The following NRXN1 variants were observed in gnomAD, a reference collection of about 807,000 sequenced individuals.
NRXN1 encodes the protein neurexin 1, also known as neurexin-1.
In NRXN1, 39 loss-of-function variants were observed where a neutral mutation model predicts 150.9. That is an observed-to-expected ratio of 0.26 (90% CI 0.20 to 0.34). The LOEUF (loss-of-function observed/expected upper bound fraction) is 0.34. Ranked by LOEUF, NRXN1 falls within the 10% of genes least tolerant of loss-of-function variation. The pLI, the probability that NRXN1 is intolerant of heterozygous loss-of-function variation, is 1.00. For synonymous variants in NRXN1, 924 were observed against 757.0 expected, an observed-to-expected ratio of 1.22 and a Z score of -3.62; for missense variants, 1,815 against 1,949.9, an observed-to-expected ratio of 0.93 and a Z score of 1.30.
chr2:49,974,222 T>A, intron 21 of NRXN1: 2 of 688,768 alleles, frequency 2.9e-6, no homozygotes, highest in Non-Finnish European at 5.4e-6. Flanking sequence ...CAGTCACGTG[T>A]CACTGAGGAG....
rs145453737 is a variant in NRXN1, at chr2:50,910,778, A to G, written c.832+11091T>C. Among the ~76,000 whole-genome samples the G allele has an allele frequency of 1.9e-4, 29 of 152,008 alleles. No homozygotes were observed. The East Asian group carries it at 5.1e-3, about 27-fold the overall frequency. On this transcript the variant is annotated intron_variant, in intron 5 of 22. Transcript: ENST00000401669. ...GGTAGGAGTGCCAGTGTGCGCAATG[A>G]CTGAATATATACTGCTAACAGCTAA...
At position 50,224,687 on chromosome 2, in the gene NRXN1, G is replaced by A. The variant is rs1314186691; in HGVS notation, c.3546+12102C>T. 4.7e-5 allele frequency among the ~76,000 whole-genome samples: 6 copies of A among 127,654 alleles called. 1 individual carries two copies. The South Asian group carries it at 1.3e-3, about 28-fold the overall frequency. The allele number at this position is 127,654 out of a possible 152,430, so 83.7% of individuals were successfully genotyped here. On this transcript the variant is annotated intron_variant, in intron 18 of 22. Coordinates refer to ENST00000401669, the MANE Select transcript of NRXN1 (RefSeq NM_001330078.2). ...GCAGAAGATTAAAGAGAGAGAGAGA[G>A]GGAGAAAGAGAGAGAGAGAGAGAGA...
chr2:50,715,092 G>A (rs115395526), intron 5 of NRXN1, among the ~76,000 whole-genome samples: 234 of 152,140 alleles, frequency 1.5e-3, no homozygotes, highest in African/African-American at 5.3e-3. Context: ...GGAAAACAAT[G>A]CAAAAATTTA....
At chr2:50,707,278 T>A (rs1694570423) in intron 5 of NRXN1, among the ~76,000 whole-genome samples, 3 of 152,190 alleles carry the variant, frequency 2.0e-5, no homozygotes, top group Non-Finnish European at 4.4e-5. Flanking sequence ...GGTGCACTTG[T>A]CTTTTGAATC....
At chr2:50,847,584 C>A (rs893407566) in intron 5 of NRXN1, among the ~76,000 whole-genome samples, 17 of 152,286 alleles carry the variant, frequency 1.1e-4, no homozygotes, top group African/African-American at 3.8e-4. Context: ...TTTCCCAAGA[C>A]TACCCTGGCC....
intron 17 of NRXN1, 92 bp downstream of exon 17, chr2:50,465,349 GT>G: frequency 7.8e-7 from 1 of 1,284,394 alleles, no homozygotes; most frequent in Non-Finnish European, 1.0e-6. Context: ...CTGACTCAGA[GT>G]TAATATAAGG....
At chr2:50,842,320 T>A (rs913525924) in intron 5 of NRXN1, among the ~76,000 whole-genome samples, 5 of 152,182 alleles carry the variant, frequency 3.3e-5, no homozygotes, top group Admixed American at 2.6e-4. Flanking sequence ...AGGAAAAACA[T>A]AGGCTAACAA....
In NRXN1 at chr2:50,445,961, T is replaced by A. The variant is rs556786089; in HGVS notation, c.3364+19481A>T. Among the ~76,000 whole-genome samples, 6 of 152,280 alleles carry A rather than the reference T, an allele frequency of 3.9e-5. No individual in the cohort carries two copies. In the Middle Eastern group the frequency reaches 0.01, roughly 259 times the overall value. ...GACATTCTCAATTTCTTTATCTTTT[T>A]AAATAGACATTAAAAAATTCATAAA... On this transcript the variant is annotated intron_variant, in intron 17 of 22. Transcript: ENST00000401669.
chr2:50,462,727 T>C (rs998707768), intron 17 of NRXN1, among the ~76,000 whole-genome samples: 1 of 151,854 alleles, frequency 6.6e-6, no homozygotes, highest in Non-Finnish European at 1.5e-5. Flanking sequence ...TAGCACTTCT[T>C]TTTGAAAGAT....
At chr2:50,070,552 C>T (rs1359501002) in intron 19 of NRXN1, among the ~76,000 whole-genome samples, 2 of 151,898 alleles carry the variant, frequency 1.3e-5, no homozygotes, top group East Asian at 3.9e-4. Flanking sequence ...GGGCGGATCA[C>T]AAGGTCAGGA....
At chr2:50,580,943 T>C (rs768805827) in intron 8 of NRXN1, among the ~76,000 whole-genome samples, 25 of 152,114 alleles carry the variant, frequency 1.6e-4, no homozygotes, top group Non-Finnish European at 3.2e-4. Context: ...TACACATGAG[T>C]AAATTACCTT....
chr2:49,942,410 T>C (rs1428397550), intron 22 of NRXN1, among the ~76,000 whole-genome samples: 1 of 152,142 alleles, frequency 6.6e-6, no homozygotes, highest in Non-Finnish European at 1.5e-5. Flanking sequence ...ATGCACGACA[T>C]ACATCCCGAT....
At chr2:50,729,167 A>C (rs1001566540) in intron 5 of NRXN1, among the ~76,000 whole-genome samples, 6 of 152,112 alleles carry the variant, frequency 3.9e-5, no homozygotes, top group Non-Finnish European at 8.8e-5. Flanking sequence ...TTAATTTCTA[A>C]TAATCATATT....
At chr2:50,744,962 C>T (rs1699841831) in intron 5 of NRXN1, among the ~76,000 whole-genome samples, 1 of 152,062 alleles carries the variant, frequency 6.6e-6, no homozygotes, top group Non-Finnish European at 1.5e-5. Flanking sequence ...CTGTATTCCT[C>T]CTTTGTGCTT....
chr2:50,101,033 C>T (rs1297545133), intron 18 of NRXN1, among the ~76,000 whole-genome samples: 1 of 152,060 alleles, frequency 6.6e-6, no homozygotes, highest in Non-Finnish European at 1.5e-5. Flanking sequence ...CAGCGTCACA[C>T]TGAATTAAGT....
chr2:50,389,198 T>C (rs1441076633), intron 17 of NRXN1, among the ~76,000 whole-genome samples: 1 of 150,466 alleles, frequency 6.6e-6, no homozygotes, highest in African/African-American at 2.5e-5. Flanking sequence ...AAATAAAAAG[T>C]AAATATGTGT....
chr2:50,511,949 G>C (rs2092467769), intron 12 of NRXN1, among the ~76,000 whole-genome samples: 1 of 152,006 alleles, frequency 6.6e-6, no homozygotes, highest in South Asian at 2.1e-4. Context: ...TGTAGTTATG[G>C]GAGGTAATGG....
At chr2:50,185,781 T>G (rs2061028390) in intron 18 of NRXN1, 2 of 152,090 alleles carry the variant, frequency 1.3e-5, no homozygotes, top group African/African-American at 4.8e-5. Flanking sequence ...CACTGAAATT[T>G]TGCATTATTT....
At chr2:50,151,574 A>G (rs989576102) in intron 18 of NRXN1, among the ~76,000 whole-genome samples, 1 of 151,750 alleles carries the variant, frequency 6.6e-6, no homozygotes, top group Non-Finnish European at 1.5e-5. Flanking sequence ...GTAAACTAGT[A>G]CCAAAAGCTC....
Sources: allele counts gnomAD v4.1 joint callset (sites outside exome capture counted in the v4.1 genomes callset), GRCh38; gene constraint gnomAD v4.1.1; transcripts MANE v1.5; gene names NCBI Gene and HGNC (gene_info 2026-07-23, HGNC 2026-07-21).